SLC16A5: variants seen among roughly 807,000 people sequenced by gnomAD.
SLC16A5 encodes the protein monocarboxylate transporter 6.
A neutral mutation model predicts 33.2 loss-of-function variants in SLC16A5; 29 were observed. The observed-to-expected ratio is 0.87, with a 90% CI of 0.65 to 1.19. The LOEUF is 1.19. SLC16A5 is among the 50% of genes most tolerant of loss of function. The pLI is 0.00. For missense variants in SLC16A5, 606 were observed against 678.2 expected (o/e 0.89, Z 1.18); for synonymous variants, 248 against 284.1 (o/e 0.87, Z 1.28).
At chr17:75,104,345 C>T (rs2073837427) in intron 6 of SLC16A5, 165 bp downstream of exon 6, 6 of 1,440,410 alleles carry the variant, frequency 4.2e-6, no homozygotes, top group Non-Finnish European at 5.5e-6. Flanking sequence ...GCTGTCCAGG[C>T]TCTGCAAGCT....
intron 1 of SLC16A5, chr17:75,088,864 C>A (rs530359882): frequency 1.3e-5 from 2 of 152,224 alleles, no homozygotes; most frequent in Non-Finnish European, 2.9e-5. Context: ...CCTAGTGAGG[C>A]CCCTGTTATC....
chr17:75,102,015 A>G (rs2073806530), intron 5 of SLC16A5, among the ~76,000 whole-genome samples: 1 of 152,182 alleles, frequency 6.6e-6, no homozygotes, highest in Non-Finnish European at 1.5e-5. Flanking sequence ...TCTGGTGTGC[A>G]GTCAGCATCC....
At chr17:75,097,379 G>A (rs1350533397) in intron 3 of SLC16A5, among the ~76,000 whole-genome samples, 1 of 152,032 alleles carries the variant, frequency 6.6e-6, no homozygotes, top group African/African-American at 2.4e-5. Context: ...CAAGGAACAG[G>A]CCCCCCTCCA....
Position 75,106,062 on chromosome 17 carries a change from C to A in SLC16A5, c.*29C>A. 1 of 1,247,768 alleles carries A rather than the reference C, an allele frequency of 8.0e-7. No homozygotes were observed. Among genetic ancestry groups the A allele is most frequent in the Non-Finnish European group, 1.1e-6 (1 of 881,016 alleles). The allele number at this position is 1,247,768 out of a possible 1,614,324, so 77.3% of individuals were successfully genotyped here. A position where few individuals can be genotyped will look rare whatever the true frequency, so the allele number is the denominator to read the frequency against. On this transcript the variant is annotated 3_prime_UTR_variant, in exon 7 of 7. Transcript: ENST00000329783. ...CCCTGTTTGACTCCGCCACTATCTG[C>A]CATGTGAGTTGGGCAAATTGTTGAC...
chr17:75,101,195 G>A (rs2073794427), intron 5 of SLC16A5, among the ~76,000 whole-genome samples: 1 of 151,442 alleles, frequency 6.6e-6, no homozygotes, highest in African/African-American at 2.4e-5. Context: ...CTTGCAGTGA[G>A]CTGAGATTGC....
chr17:75,093,803 C>T lies in SLC16A5; in HGVS notation c.167C>T (p.Pro56Leu), dbSNP rs2073678017. 6.2e-7 allele frequency: 1 copy of T among 1,614,148 alleles called. No homozygotes were observed. The highest frequency in any genetic ancestry group is 2.2e-5 in the East Asian group (1 of 44,882). ...QASNSETSWFPSILTAVLHMA... is the reference protein window; with the variant it reads ...QASNSETSWFLSILTAVLHMA... ...AGCAACAGCGAGACCTCTTGGTTCC[C>T]CTCCATCCTCACGGCTGTGCTCCAC... is the stretch of plus-strand genomic sequence containing the variant. The change falls in exon 3 of 7, where the codon CCC becomes CTC. Residue 56 changes from proline to leucine, a missense_variant. Transcript: ENST00000329783.
chr17:75,110,030 A>G (rs2073895792), downstream of SLC16A5: 4 of 453,900 alleles, frequency 8.8e-6, no homozygotes, highest in East Asian at 1.6e-4. Context: ...CCCAACCAGT[A>G]GACGGTTCCC....
chr17:75,107,660 C>A (rs1245294071), downstream of SLC16A5, among the ~76,000 whole-genome samples: 1 of 151,822 alleles, frequency 6.6e-6, no homozygotes, highest in African/African-American at 2.4e-5. Context: ...AAAATTAGGC[C>A]GGGCGCAGTG....
Position 75,100,660 on chromosome 17 carries a change from G to A in SLC16A5, c.997G>A (p.Gly333Ser), listed in dbSNP as rs755946691. 6.2e-7 allele frequency: 1 copy of A among 1,614,058 alleles called. No individual in the cohort carries two copies. The highest frequency in any genetic ancestry group is 1.3e-5 in the African/African-American group (1 of 74,916). ...AASGDFWVLVGYCLAYSVSMS... is the reference protein window; with the variant it reads ...AASGDFWVLVSYCLAYSVSMS... ...ATCAGGTGACTTCTGGGTGCTCGTG[G>A]GCTACTGCCTGGCGTACAGCGTGTC... The change falls in exon 5 of 7, where the codon GGC becomes AGC. Residue 333 changes from glycine to serine, a missense_variant. Physicochemically the swap from Gly to Ser is moderately conservative, Grantham distance 56. Transcript: ENST00000329783.
chr17:75,099,851 C>T (rs2073766999), intron 4 of SLC16A5, 156 bp from the exon 5 acceptor site: 19 of 721,348 alleles, frequency 2.6e-5, no homozygotes, highest in Middle Eastern at 4.0e-4. Flanking sequence ...GGTGGCGAGG[C>T]CAGCTGATTC....
chr17:75,106,216 G>T, downstream of SLC16A5: 2 of 437,118 alleles, frequency 4.6e-6, no homozygotes, highest in South Asian at 9.1e-5. Flanking sequence ...AGTCTGACTC[G>T]GTGAGCATCC....
rs1175229616 is a variant in SLC16A5 at position 75,093,604 on chromosome 17, G to C, written c.-33G>C. 1 of 1,593,318 alleles carries C rather than the reference G, an allele frequency of 6.3e-7. No homozygotes were observed. The highest frequency in any genetic ancestry group is 1.7e-5 in the Admixed American group (1 of 58,446). On this transcript the variant is annotated 5_prime_UTR_variant, in exon 3 of 7. Transcript: ENST00000329783. Reference sequence around the variant, plus strand: ...CCCTCCCCAGGCAGCAGCCACATTGGCAGTGAGGCCGTGGCAGCGTCGGCA... The same window carrying C: ...CCCTCCCCAGGCAGCAGCCACATTGCCAGTGAGGCCGTGGCAGCGTCGGCA...
Position 75,100,205 on chromosome 17 carries a change from A to G in SLC16A5, c.542A>G (p.His181Arg). ...CTTGTCTTCGGCGGGATCTTTCTCC[A>G]CTGCTGCATCTGCGGGGCCATCATA... ...TFLVFGGIFL[H>R]CCICGAIIRP... The change falls in exon 5 of 7, where the codon CAC (histidine) becomes CGC (arginine). Residue 181 changes from histidine (H) to arginine (R), a missense_variant. Physicochemically the swap from His to Arg is conservative, Grantham distance 29 (BLOSUM62 0). Transcript: ENST00000329783. 1.2e-6 allele frequency: 2 copies of G among 1,614,090 alleles called. No individual in the cohort carries two copies. Among genetic ancestry groups the G allele is most frequent in the Non-Finnish European group, 1.7e-6 (2 of 1,180,002 alleles).
chr17:75,092,026 G>GTGT (rs1555644925), intron 2 of SLC16A5, among the ~76,000 whole-genome samples: 5 of 61,792 alleles, frequency 8.1e-5, no homozygotes, highest in South Asian at 6.8e-4. Context: ...AGATGTGAGG[G>GTGT]GGGTGTGTGT....
chr17:75,106,591 T>A (rs12951636), downstream of SLC16A5, among the ~76,000 whole-genome samples: 42,629 of 87,430 alleles, frequency 0.49, 9,151 homozygotes, highest in South Asian at 0.58. Flanking sequence ...TGTCTTTTTT[T>A]TAAAAAAAAA....
intron 5 of SLC16A5, 36 bp from the exon 6 acceptor site, chr17:75,103,934 T>G: frequency 6.3e-7 from 1 of 1,579,530 alleles, no homozygotes; most frequent in Non-Finnish European, 8.7e-7. Flanking sequence ...GGGGGAGGCC[T>G]GGTAGCACTG....
In SLC16A5 at chr17:75,100,701, C is replaced by T. The variant is rs749766224; in HGVS notation, c.1038C>T (p.Gly346=). ...LAYSVSMSGI[G]ALIFQVLMDI... Reference sequence around the variant, plus strand: ...ACAGCGTGTCCATGAGTGGCATCGGCGCCCTCATCTTCCAGGTTCTCATGG... The same window carrying T: ...ACAGCGTGTCCATGAGTGGCATCGGTGCCCTCATCTTCCAGGTTCTCATGG... Residue 346 remains glycine (G), a synonymous_variant, in exon 5 of 7, where the codon GGC becomes GGT. Coordinates refer to ENST00000329783, the MANE Select transcript of SLC16A5 (RefSeq NM_004695.4). 42 of 1,614,176 alleles carry T rather than the reference C, an allele frequency of 2.6e-5. No homozygotes were observed. The highest frequency in any genetic ancestry group is 4.4e-5 in the South Asian group (4 of 91,092).
rs200094233 is a variant in SLC16A5, at chr17:75,100,471, G to A, written c.808G>A (p.Glu270Lys). ...VPYAMWHSVD[E>K]QQAALLISII... ...ATATGCCATGTGGCACAGCGTGGACGAGCAGCAGGCAGCCCTCCTCATCTC... is the reference window on the plus strand; with the variant it reads ...ATATGCCATGTGGCACAGCGTGGACAAGCAGCAGGCAGCCCTCCTCATCTC... Residue 270 changes from glutamate (E) to lysine (K), a missense_variant, in exon 5 of 7, where the codon GAG becomes AAG. Glu to Lys is a moderately conservative substitution (Grantham distance 56). Coordinates refer to ENST00000329783, the MANE Select transcript of SLC16A5 (RefSeq NM_004695.4). The A allele has an allele frequency of 1.9e-5, 30 of 1,614,204 alleles. No homozygotes were observed. The highest frequency in any genetic ancestry group is 4.5e-5 in the East Asian group (2 of 44,880).
downstream of SLC16A5, among the ~76,000 whole-genome samples, chr17:75,108,908 T>G (rs1483941897): frequency 6.6e-6 from 1 of 152,182 alleles, no homozygotes; most frequent in Non-Finnish European, 1.5e-5. Flanking sequence ...CAGGTATTTA[T>G]GCACGAGAAC....
Sources: gnomAD v4.1 joint callset for allele counts (sites outside exome capture counted in the v4.1 genomes callset) on GRCh38, gnomAD v4.1.1 for gene constraint, MANE v1.5 for transcripts, NCBI Gene and HGNC (gene_info 2026-07-23, HGNC 2026-07-21) for gene names.